BACE1: variants seen among roughly 807,000 people sequenced by gnomAD.
The protein encoded by BACE1 is APP beta-secretase.
Under a neutral mutation model 54.0 loss-of-function variants are expected in BACE1, and 21 were observed. The observed-to-expected ratio is 0.39, with a 90% CI of 0.28 to 0.56. The LOEUF is 0.56. Among genes scored for constraint, BACE1 ranks in the 20% least tolerant of loss-of-function variants. The pLI is 0.63. For missense variants in BACE1, 511 were observed against 661.2 expected (o/e 0.77, Z 2.49); for synonymous variants, 232 against 260.9 (o/e 0.89, Z 1.07).
Position 117,293,672 on chromosome 11 carries a change from A to T in BACE1, c.705+199T>A, listed in dbSNP as rs2034518613. The T allele has an allele frequency of 2.1e-6, 1 of 480,002 alleles. No homozygotes were observed. The highest frequency in any genetic ancestry group is 4.3e-5 in the Admixed American group (1 of 23,398). The allele number at this position is 480,002 out of a possible 1,614,324, so 29.7% of individuals were successfully genotyped here. On this transcript the variant is annotated intron_variant, in intron 4 of 8. Coordinates refer to ENST00000313005, the MANE Select transcript of BACE1 (RefSeq NM_012104.6). This position sits in a 1 kb window ranked among gnomAD's most constrained non-coding sequence, Gnocchi z 4.1. ...AATTGCCTTCCTTTCCAAGTTTACCATAGGTGCCTTGATTCCTTTCTGGAA... is the reference window on the plus strand; with the variant it reads ...AATTGCCTTCCTTTCCAAGTTTACCTTAGGTGCCTTGATTCCTTTCTGGAA...
intron 6 of BACE1, among the ~76,000 whole-genome samples, chr11:117,291,341 A>G (rs923144456): frequency 6.6e-6 from 1 of 151,784 alleles, no homozygotes; most frequent in East Asian, 1.9e-4. Flanking sequence ...CAGTGGCGCA[A>G]TCATGGCTCA....
rs2034526992 is a variant in BACE1 at position 117,293,940 on chromosome 11, G to A, written c.636C>T (p.Ser212=). The A allele has an allele frequency of 6.2e-7, 1 of 1,613,910 alleles. No individual in the cohort carries two copies. The highest frequency in any genetic ancestry group is 1.3e-5 in the African/African-American group (1 of 74,916). The change falls in exon 4 of 9, where the codon TCC becomes TCT. Residue 212 remains serine, a synonymous_variant. Coordinates refer to ENST00000313005, the MANE Select transcript of BACE1 (RefSeq NM_012104.6). The surrounding 1 kb of genome is among the most constrained non-coding windows in gnomAD (Gnocchi z 4.1). The stretch of plus-strand genomic sequence containing the variant: ...GGAAGCCAGCACCACAAAGCTGCAG[G>A]GAGAAGAGGTTGGGAACGTGGGTCT... ...VKQTHVPNLF[S]LQLCGAGFPL... is the part of the protein sequence containing the mutation.
In BACE1 at chr11:117,315,796, G is replaced by T. The variant is rs1377557769; in HGVS notation, c.-1C>A. The stretch of plus-strand genomic sequence containing the variant: ...GGAGCCAGGGCAGGGCTTGGGCCAT[G>T]GTGGGCCCCGGCCTTCGGGCCCTCT... On this transcript the variant is annotated 5_prime_UTR_variant, in exon 1 of 9. Transcript: ENST00000313005. The surrounding 1 kb of genome is among the most constrained non-coding windows in gnomAD (Gnocchi z 5.5). 2.1e-6 allele frequency: 3 copies of T among 1,409,112 alleles called. No individual in the cohort carries two copies. Among genetic ancestry groups the T allele is most frequent in the Non-Finnish European group, 2.8e-6 (3 of 1,090,570 alleles). 87.3% of individuals were successfully genotyped at this position (1,409,112 alleles called of 1,614,324 possible).
chr11:117,301,817 C>T (rs1456494114), intron 1 of BACE1, among the ~76,000 whole-genome samples: 1 of 152,198 alleles, frequency 6.6e-6, no homozygotes, highest in Non-Finnish European at 1.5e-5. Flanking sequence ...AATTAAGCTC[C>T]TTACAAGTCT....
rs1157306456 is a variant in BACE1 at position 117,293,957 on chromosome 11, C to T, written c.619G>A (p.Val207Ile). The T allele has an allele frequency of 1.9e-6, 3 of 1,613,872 alleles. No individual in the cohort carries two copies. Among genetic ancestry groups the T allele is most frequent in the East Asian group, 2.2e-5 (1 of 44,868 alleles). Residue 207 changes from valine to isoleucine, a missense_variant, in exon 4 of 9, where the codon GTT becomes ATT. Transcript: ENST00000313005. The surrounding 1 kb of genome is among the most constrained non-coding windows in gnomAD (Gnocchi z 4.1). The stretch of plus-strand genomic sequence containing the variant: ...AGCTGCAGGGAGAAGAGGTTGGGAA[C>T]GTGGGTCTGCTTTACCAGAGAGTCA... The part of the protein sequence containing the change: ...FFDSLVKQTH[V>I]PNLFSLQLCG...
chr11:117,305,626 C>T (rs1189733961), intron 1 of BACE1, among the ~76,000 whole-genome samples: 2 of 151,880 alleles, frequency 1.3e-5, no homozygotes, highest in South Asian at 2.1e-4. Flanking sequence ...CCCATTTCTC[C>T]GCAGCCTGTA....
At chr11:117,302,651 G>T (rs930659330) in intron 1 of BACE1, among the ~76,000 whole-genome samples, 3 of 152,220 alleles carry the variant, frequency 2.0e-5, no homozygotes, top group Non-Finnish European at 2.9e-5. Flanking sequence ...GGGAGGCCAA[G>T]GCGGGCAGAT....
At chr11:117,290,809 T>C (rs2034405144) in intron 7 of BACE1, 91 bp downstream of exon 7, 2 of 1,560,898 alleles carry the variant, frequency 1.3e-6, no homozygotes, top group African/African-American at 1.4e-5. Context: ...CTCATCTGTT[T>C]TGTCTTCCAA....
At chr11:117,302,566 A>G (rs953709265) in intron 1 of BACE1, among the ~76,000 whole-genome samples, 7 of 152,084 alleles carry the variant, frequency 4.6e-5, no homozygotes, top group Non-Finnish European at 8.8e-5. Flanking sequence ...TTAGGGAGAG[A>G]GACCAGGTTA....
chr11:117,291,693 C>T lies in BACE1; in HGVS notation c.942+19G>A. 3 of 1,572,636 alleles carry T rather than the reference C, an allele frequency of 1.9e-6. No individual in the cohort carries two copies. The highest frequency in any genetic ancestry group is 1.7e-4 in the Middle Eastern group (1 of 5,978). ...TGACACTGTACCATCTCTTTTACCCCCATCCTTAGTCCACTCACGGAGGAG... is the reference window on the plus strand; with the variant it reads ...TGACACTGTACCATCTCTTTTACCCTCATCCTTAGTCCACTCACGGAGGAG... On this transcript the variant is annotated intron_variant, in intron 6 of 8. Coordinates refer to ENST00000313005, the MANE Select transcript of BACE1 (RefSeq NM_012104.6).
Position 117,314,907 on chromosome 11 carries a change from G to T in BACE1, c.261+628C>A, listed in dbSNP as rs1591875176. On this transcript the variant is annotated intron_variant, in intron 1 of 8. Transcript: ENST00000313005. ...CCTCTGGCCTGGGGAGGTGTGGGGT[G>T]GGGGAGGGGCCGGAGTGTAGACCGC... Among the ~76,000 whole-genome samples the T allele has an allele frequency of 2.0e-5, 3 of 152,222 alleles. No individual in the cohort carries two copies. In the Middle Eastern group the frequency reaches 0.01, roughly 518 times the overall value.
chr11:117,310,972 G>T (rs937914456), intron 1 of BACE1, among the ~76,000 whole-genome samples: 3 of 150,528 alleles, frequency 2.0e-5, no homozygotes, highest in African/African-American at 7.3e-5. Context: ...GAGTGATAAA[G>T]ACCTTTTTTT....
intron 5 of BACE1, chr11:117,292,687 G>A: frequency 6.1e-6 from 1 of 165,254 alleles, no homozygotes; most frequent in Non-Finnish European, 1.3e-5. Flanking sequence ...ACTGGCCTAA[G>A]GGTACATAGC....
In BACE1 at chr11:117,285,893, G is replaced by C. The variant is rs906232510; in HGVS notation, c.*3673C>G. On this transcript the variant is annotated 3_prime_UTR_variant, in exon 9 of 9. Coordinates refer to ENST00000313005, the MANE Select transcript of BACE1 (RefSeq NM_012104.6). ...GGACAGAAATTAGCACAACCCACAG[G>C]TTTTTCCTGGGCCAAGTCTTCCTTT... 1.3e-5 allele frequency: 2 copies of C among 152,560 alleles called. No homozygotes were observed. Among genetic ancestry groups the C allele is most frequent in the Non-Finnish European group, 2.9e-5 (2 of 68,034 alleles). 9.5% of individuals were successfully genotyped at this position (152,560 alleles called of 1,614,324 possible). A position where few individuals can be genotyped will look rare whatever the true frequency, so the allele number is the denominator to read the frequency against.
chr11:117,296,907 G>C lies in BACE1; in HGVS notation c.316C>G (p.His106Asp), dbSNP rs755452033. Reference sequence around the variant, plus strand: ...TGGTAGTAGCGATGCAGGAAGGGGTGGGGGGCAGCACCCACTGCAAAGTTA... The same window carrying C: ...TGGTAGTAGCGATGCAGGAAGGGGTCGGGGGCAGCACCCACTGCAAAGTTA... The part of the protein sequence containing the change: ...SSNFAVGAAP[H>D]PFLHRYYQRQ... The change falls in exon 2 of 9, where the codon CAC becomes GAC. Residue 106 changes from histidine to aspartate, a missense_variant. His to Asp is a moderately conservative substitution (Grantham distance 81). Transcript: ENST00000313005. 4 of 1,613,194 alleles carry C rather than the reference G, an allele frequency of 2.5e-6. No homozygotes were observed. Among genetic ancestry groups the C allele is most frequent in the East Asian group, 2.2e-5 (1 of 44,864 alleles).
intron 1 of BACE1, among the ~76,000 whole-genome samples, chr11:117,310,975 C>CT (rs750673315): frequency 0.031 from 4,350 of 141,894 alleles, 78 homozygotes; most frequent in African/African-American, 0.067. Context: ...TGATAAAGAC[C>CT]TTTTTTTTTT....
chr11:117,301,859 T>C (rs2034733263), intron 1 of BACE1, among the ~76,000 whole-genome samples: 1 of 152,234 alleles, frequency 6.6e-6, no homozygotes, highest in Non-Finnish European at 1.5e-5. Flanking sequence ...TTTCTTTTGC[T>C]GTCCCTAGGC....
chr11:117,316,084 G>A lies in BACE1; in HGVS notation c.-289C>T, dbSNP rs1165591634. 2.3e-5 allele frequency: 9 copies of A among 394,974 alleles called. No individual in the cohort carries two copies. Among genetic ancestry groups the A allele is most frequent in the Non-Finnish European group, 3.6e-5 (8 of 224,282 alleles). 24.5% of individuals were successfully genotyped at this position (394,974 alleles called of 1,614,324 possible). Reference sequence around the variant, plus strand: ...GCGGGCGCGGGCTCCCGGCGGGGCTGGGAGGGGCGGGCATGGCGGGCCGGT... The same window carrying A: ...GCGGGCGCGGGCTCCCGGCGGGGCTAGGAGGGGCGGGCATGGCGGGCCGGT... On this transcript the variant is annotated 5_prime_UTR_variant, in exon 1 of 9. Coordinates refer to ENST00000313005, the MANE Select transcript of BACE1 (RefSeq NM_012104.6).
intron 6 of BACE1, 85 bp downstream of exon 6, chr11:117,291,627 C>T (rs1697678817): frequency 7.0e-6 from 7 of 1,002,088 alleles, no homozygotes; most frequent in Non-Finnish European, 7.8e-6. Context: ...GTGCAGACAT[C>T]TTGGCTGTTG....
Sources: gnomAD v4.1 joint callset for allele counts (sites outside exome capture counted in the v4.1 genomes callset) on GRCh38, gnomAD v4.1.1 for gene constraint, Gnocchi (gnomAD v3.1) non-coding constraint, MANE v1.5 for transcripts, NCBI Gene and HGNC (gene_info 2026-07-23, HGNC 2026-07-21) for gene names.